Variants in ABCC10 observed in about 807,000 individuals in gnomAD.
The protein encoded by ABCC10 is ATP-binding cassette sub-family C member 10.
A neutral mutation model predicts 143.2 loss-of-function variants in ABCC10; 110 were observed. That is an observed-to-expected ratio of 0.77 (90% CI 0.66 to 0.90). ABCC10 has a LOEUF of 0.90. Ranked by LOEUF, ABCC10 falls within the 40% of genes least tolerant of loss-of-function variation. The probability of loss-of-function intolerance (pLI) is 0.00; values close to 1 mark genes in which losing one functional copy is unlikely to be tolerated. For synonymous variants in ABCC10, 805 were observed against 846.7 expected (o/e 0.95, Z 0.85); for missense variants, 1,700 against 1,900.5 (o/e 0.89, Z 1.96).
Position 43,438,637 on chromosome 6 carries a change from G to T in ABCC10, c.1969G>T (p.Val657Leu). The change falls in exon 8 of 22, where the codon GTG becomes TTG. Residue 657 changes from valine (V) to leucine (L), a missense_variant. Physicochemically the swap from Val to Leu is conservative, Grantham distance 32. Transcript: ENST00000372530. ...AGELHRLRGH[V>L]AVRGLSKGFG... ...GGCTCTCTGCAGGCTGCGTGGGCAT[G>T]TGGCAGTGCGGGGGCTGTCCAAGGG... The T allele has an allele frequency of 6.2e-7, 1 of 1,614,018 alleles. No individual in the cohort carries two copies. Among genetic ancestry groups the T allele is most frequent in the Non-Finnish European group, 8.5e-7 (1 of 1,180,026 alleles).
chr6:43,447,476 C>G (rs1208745866), intron 17 of ABCC10, 68 bp downstream of exon 17: 1 of 1,572,254 alleles, frequency 6.4e-7, no homozygotes, highest in Non-Finnish European at 8.6e-7. Flanking sequence ...CCTCACAATT[C>G]CTTTCTTTTT....
In ABCC10 at chr6:43,432,593, C is replaced by A. The variant is rs1313414775; in HGVS notation, c.613C>A (p.Leu205Met). 2 of 1,613,798 alleles carry A rather than the reference C, an allele frequency of 1.2e-6. No homozygotes were observed. Among genetic ancestry groups the A allele is most frequent in the Admixed American group, 3.3e-5 (2 of 60,034 alleles). ...PREPWAQEPL[L>M]PEDQEPEVAE... is the part of the protein sequence containing the mutation. ...AGAACCCTGGGCTCAGGAGCCCCTC[C>A]TGCCCGAGGATCAAGAACCTGAGGT... The change falls in exon 3 of 22, where the codon CTG becomes ATG. Residue 205 changes from leucine to methionine, a missense_variant. By Grantham distance (15) the Leu-to-Met change is conservative. Coordinates refer to ENST00000372530, the MANE Select transcript of ABCC10 (RefSeq NM_001198934.2).
Position 43,433,166 on chromosome 6 carries a change from G to A in ABCC10, c.1186G>A (p.Gly396Arg), listed in dbSNP as rs145104114. 12 of 1,613,968 alleles carry A rather than the reference G, an allele frequency of 7.4e-6. No individual in the cohort carries two copies. The East Asian group carries it at 2.7e-4, about 36-fold the overall frequency. Residue 396 changes from glycine (G) to arginine (R), a missense_variant, in exon 3 of 22, where the codon GGG becomes AGG. By Grantham distance (125) the Gly-to-Arg change is moderately radical. Coordinates refer to ENST00000372530, the MANE Select transcript of ABCC10 (RefSeq NM_001198934.2). Reference sequence around the variant, plus strand: ...CTCTGAACGGCTGCTTAACTTTGCTGGGAGCTTCCATGAAGCCTGGGGCCT... The same window carrying A: ...CTCTGAACGGCTGCTTAACTTTGCTAGGAGCTTCCATGAAGCCTGGGGCCT... ...TDSERLLNFA[G>R]SFHEAWGLPL...
rs775623660 is a variant in ABCC10, at chr6:43,447,638, CCTAT to C, written c.3706-43_3706-40del. 14 of 1,609,214 alleles carry C rather than the reference CCTAT, an allele frequency of 8.7e-6. No individual in the cohort carries two copies. In the East Asian group the frequency reaches 3.1e-4, roughly 36 times the overall value. Reference sequence around the variant, plus strand: ...CTCCTCACCATCGCTCCTCATCTCCCCTATCTCCCTTTCCCCGTCTGTCTCCCAC... The same window carrying C: ...CTCCTCACCATCGCTCCTCATCTCCCCTCCCTTTCCCCGTCTGTCTCCCAC... On this transcript the variant is annotated intron_variant, in intron 17 of 21. Coordinates refer to ENST00000372530, the MANE Select transcript of ABCC10 (RefSeq NM_001198934.2).
At chr6:43,449,236 C>T (rs1404179425) in intron 20 of ABCC10, 32 bp downstream of exon 20, 1 of 1,607,736 alleles carries the variant, frequency 6.2e-7, no homozygotes, top group East Asian at 2.2e-5. Flanking sequence ...TTAGAGAGGG[C>T]CAGGAAGAAG....
intron 2 of ABCC10, among the ~76,000 whole-genome samples, chr6:43,429,218 A>G (rs1780829663): frequency 8.5e-6 from 1 of 116,964 alleles, no homozygotes; most frequent in Non-Finnish European, 1.8e-5. Context: ...CAGAGAGGAA[A>G]AGAGACTTGA....
chr6:43,429,350 TTTTC>T (rs70990188), intron 2 of ABCC10, among the ~76,000 whole-genome samples: 115,089 of 132,668 alleles, frequency 0.87, 50,201 homozygotes, highest in East Asian at 0.95. Flanking sequence ...TCCTTCTTTC[TTTTC>T]TTTCTTTCTT....
Position 43,441,904 on chromosome 6 carries a change from G to A in ABCC10, c.2170G>A (p.Val724Ile), listed in dbSNP as rs1384162816. 4 of 1,613,828 alleles carry A rather than the reference G, an allele frequency of 2.5e-6. No homozygotes were observed. Among genetic ancestry groups the A allele is most frequent in the East Asian group, 2.2e-5 (1 of 44,886 alleles). Reference sequence around the variant, plus strand: ...CCAGACAGAGGTGGGGGAGAAGGGTGTCACCCTTAGCGGAGGACAGCGTGC... The same window carrying A: ...CCAGACAGAGGTGGGGGAGAAGGGTATCACCCTTAGCGGAGGACAGCGTGC... ...GDQTEVGEKG[V>I]TLSGGQRARI... Residue 724 changes from valine to isoleucine, a missense_variant, in exon 9 of 22, where the codon GTC becomes ATC. Transcript: ENST00000372530.
Position 43,445,849 on chromosome 6 carries a change from G to A in ABCC10, c.3281G>A (p.Arg1094His), listed in dbSNP as rs530304629. The A allele has an allele frequency of 2.0e-5, 33 of 1,613,956 alleles. No homozygotes were observed. The highest frequency in any genetic ancestry group is 8.9e-5 in the East Asian group (4 of 44,884). ...HYRASSRELRRLGSLTLSPLY... is the reference protein window; with the variant it reads ...HYRASSRELRHLGSLTLSPLY... ...AGGGCCTCCTCACGGGAGCTGCGGC[G>A]CCTGGGCAGCCTCACCCTGTCTCCA... The change falls in exon 15 of 22, where the codon CGC becomes CAC. Residue 1094 changes from arginine to histidine, a missense_variant. By Grantham distance (29) the Arg-to-His change is conservative. Coordinates refer to ENST00000372530, the MANE Select transcript of ABCC10 (RefSeq NM_001198934.2).
downstream of ABCC10, chr6:43,450,580 G>C (rs969752620): frequency 6.3e-7 from 1 of 1,581,592 alleles, no homozygotes; most frequent in Non-Finnish European, 8.6e-7. The surrounding 1 kb of genome is among the most constrained non-coding windows in gnomAD (Gnocchi z 4.5). Flanking sequence ...GGCAAGTCAC[G>C]TGGCAGGGGG....
intron 2 of ABCC10, among the ~76,000 whole-genome samples, chr6:43,431,306 T>A (rs768334688): frequency 6.6e-5 from 10 of 152,174 alleles, no homozygotes; most frequent in South Asian, 4.1e-4. Context: ...GTTAGGTGGA[T>A]CCTTTTGTAA....
At chr6:43,434,476 G>A (rs1781471889) in intron 3 of ABCC10, 145 bp from the exon 4 acceptor site, 1 of 751,800 alleles carries the variant, frequency 1.3e-6, no homozygotes. Context: ...ACTGAGGTGA[G>A]GAAGAAAACC....
rs776936133 is a variant in ABCC10, at chr6:43,428,051, A to G, written c.73A>G (p.Thr25Ala). The G allele has an allele frequency of 3.1e-6, 5 of 1,596,324 alleles. No individual in the cohort carries two copies. Among genetic ancestry groups the G allele is most frequent in the Non-Finnish European group, 4.3e-6 (5 of 1,172,422 alleles). Residue 25 changes from threonine to alanine, a missense_variant, in exon 2 of 22, where the codon ACA becomes GCA. Transcript: ENST00000372530. Reference sequence around the variant, plus strand: ...GCTCCCGCTGTGGGAGGGGGACACCACAGGCCACTGCTTCACCCAGCTGGT... The same window carrying G: ...GCTCCCGCTGTGGGAGGGGGACACCGCAGGCCACTGCTTCACCCAGCTGGT... ...WPLPLWEGDT[T>A]GHCFTQLVLS...
downstream of ABCC10, chr6:43,450,840 G>T: frequency 6.2e-7 from 1 of 1,614,186 alleles, no homozygotes; most frequent in Non-Finnish European, 8.5e-7. The surrounding 1 kb of genome is among the most constrained non-coding windows in gnomAD (Gnocchi z 4.5). Flanking sequence ...CAGCAGACCA[G>T]CCCCTGCGCT....
chr6:43,431,359 T>C (rs1442455147), intron 2 of ABCC10, among the ~76,000 whole-genome samples: 3 of 152,164 alleles, frequency 2.0e-5, no homozygotes, highest in Non-Finnish European at 4.4e-5. Flanking sequence ...ATGAAAACTT[T>C]GGATTTTCTT....
At position 43,443,845 on chromosome 6, in the gene ABCC10, G is replaced by A. The variant is rs371935651; in HGVS notation, c.2417-88G>A. On this transcript the variant is annotated intron_variant, in intron 10 of 21. Coordinates refer to ENST00000372530, the MANE Select transcript of ABCC10 (RefSeq NM_001198934.2). This position sits in a 1 kb window ranked among gnomAD's most constrained non-coding sequence, Gnocchi z 4.2. Reference sequence around the variant, plus strand: ...TGGGTTAGACGGGGAGGCCTGAGAGGATGAGAGGTGGGATCTGCACACGCA... The same window carrying A: ...TGGGTTAGACGGGGAGGCCTGAGAGAATGAGAGGTGGGATCTGCACACGCA... The A allele has an allele frequency of 3.7e-6, 5 of 1,345,066 alleles. No individual in the cohort carries two copies. The highest frequency in any genetic ancestry group is 2.3e-5 in the East Asian group (1 of 43,422). 83.3% of individuals were successfully genotyped at this position (1,345,066 alleles called of 1,614,324 possible). A position where few individuals can be genotyped will look rare whatever the true frequency, so the allele number is the denominator to read the frequency against.
chr6:43,451,856 C>T, downstream of ABCC10: 3 of 1,544,352 alleles, frequency 1.9e-6, no homozygotes, highest in East Asian at 2.3e-5. The surrounding 1 kb of genome is among the most constrained non-coding windows in gnomAD (Gnocchi z 4.4). Flanking sequence ...AGTCCCCCAC[C>T]CTCCCAACAG....
chr6:43,428,209 C>T (rs1019925832), intron 2 of ABCC10, 70 bp downstream of exon 2: 4 of 1,428,052 alleles, frequency 2.8e-6, no homozygotes, highest in Non-Finnish European at 3.7e-6. Context: ...CTACATCTTC[C>T]GGCAGTGTCA....
chr6:43,446,245 G>T (rs892374061), intron 15 of ABCC10, 32 bp from the exon 16 acceptor site: 7 of 1,599,144 alleles, frequency 4.4e-6, no homozygotes, highest in Admixed American at 1.7e-5. Context: ...GGCAACAGTG[G>T]AGTGGCTTCA....
Sources: allele counts gnomAD v4.1 joint callset (sites outside exome capture counted in the v4.1 genomes callset), GRCh38; gene constraint gnomAD v4.1.1; non-coding constraint Gnocchi (gnomAD v3.1); transcripts MANE v1.5; gene names NCBI Gene and HGNC (gene_info 2026-07-23, HGNC 2026-07-21).